SLC22A25: variants seen among roughly 807,000 people sequenced by gnomAD.
SLC22A25 encodes MGI:2442751, MGI:2385316, MGI:3042283, MGI:3645714, MGI:3605624, MGI:2442750.
Under a neutral mutation model 45.9 loss-of-function variants are expected in SLC22A25, and 44 were observed. The observed-to-expected ratio is 0.96, with a 90% CI of 0.75 to 1.23. The LOEUF (loss-of-function observed/expected upper bound fraction) is 1.23, where lower values mean the gene tolerates loss of function less well. Among genes scored for constraint, SLC22A25 ranks in the 50% most tolerant of loss-of-function variants. The pLI is 0.00. For synonymous variants in SLC22A25, 283 were observed against 238.6 expected (o/e 1.19, Z -1.72); for missense variants, 800 against 666.4 (o/e 1.20, Z -2.21).
chr11:63,196,921 A>G (rs1265892052), intron 7 of SLC22A25, among the ~76,000 whole-genome samples: 2 of 152,208 alleles, frequency 1.3e-5, no homozygotes, highest in African/African-American at 4.8e-5. Context: ...AGGATACAAA[A>G]TCAATGTGCA....
At chr11:63,193,286 G>T (rs1201917233) in intron 7 of SLC22A25, among the ~76,000 whole-genome samples, 3 of 152,156 alleles carry the variant, frequency 2.0e-5, no homozygotes, top group Non-Finnish European at 4.4e-5. Flanking sequence ...AGAGAGCAGT[G>T]GTCCTCCTAC....
rs546568705 is a variant in SLC22A25, at chr11:63,218,257, A to C, written c.507-522T>G. On this transcript the variant is annotated intron_variant, in intron 5 of 11. Coordinates refer to ENST00000306494, the MANE Select transcript of SLC22A25 (RefSeq NM_199352.6). Reference sequence around the variant, plus strand: ...GAATTAATGTAGGAACAGAAAACCAAACATTACAATGTCCTCAACTTATAA... The same window carrying C: ...GAATTAATGTAGGAACAGAAAACCACACATTACAATGTCCTCAACTTATAA... The C allele has an allele frequency of 5.7e-6, 2 of 348,806 alleles. 1 individual carries two copies. Among genetic ancestry groups the C allele is most frequent in the African/African-American group, 4.3e-5 (2 of 46,742 alleles). 21.6% of individuals were successfully genotyped at this position (348,806 alleles called of 1,614,324 possible). A position where few individuals can be genotyped will look rare whatever the true frequency, so the allele number is the denominator to read the frequency against.
At chr11:63,211,669 A>G (rs183489458) in intron 7 of SLC22A25, among the ~76,000 whole-genome samples, 1 of 152,314 alleles carries the variant, frequency 6.6e-6, no homozygotes, top group African/African-American at 2.4e-5. Context: ...AATTAATTCA[A>G]GATGGATTAA....
chr11:63,171,840 A>G (rs1370769786), intron 9 of SLC22A25, among the ~76,000 whole-genome samples: 1 of 152,218 alleles, frequency 6.6e-6, no homozygotes, highest in Non-Finnish European at 1.5e-5. Flanking sequence ...AAAAGCTTGT[A>G]TAGCCAAGAC....
intron 7 of SLC22A25, among the ~76,000 whole-genome samples, chr11:63,211,359 C>T (rs370737605): frequency 3.5e-4 from 54 of 152,184 alleles, no homozygotes; most frequent in Non-Finnish European, 6.5e-4. Flanking sequence ...GATCTCCAGG[C>T]GGTAAACAAG....
rs1194025534 is a variant in SLC22A25, at chr11:63,220,144, TA to T, written c.507-2410del. The stretch of plus-strand genomic sequence containing the variant: ...TGTAAGGTAGAGGTTGTAATACCTC[TA>T]AAAAGCTGTTTTTGCAAAGACAAAA... On this transcript the variant is annotated intron_variant, in intron 5 of 11. Transcript: ENST00000306494. 3 of 545,672 alleles carry T rather than the reference TA, an allele frequency of 5.5e-6. No individual in the cohort carries two copies. The African/African-American group carries it at 6.4e-5, about 12-fold the overall frequency. The allele number at this position is 545,672 out of a possible 1,614,324, so 33.8% of individuals were successfully genotyped here.
At chr11:63,164,219 C>T in intron 11 of SLC22A25, 146 bp from the exon 12 acceptor site, 2 of 1,149,060 alleles carry the variant, frequency 1.7e-6, no homozygotes, top group East Asian at 2.5e-5. Flanking sequence ...CTCTTATTTG[C>T]TAGCAATTTA....
At chr11:63,180,416 T>C (rs1190439072) in intron 9 of SLC22A25, among the ~76,000 whole-genome samples, 2 of 152,138 alleles carry the variant, frequency 1.3e-5, no homozygotes, top group Non-Finnish European at 2.9e-5. Flanking sequence ...ATAATTGAAG[T>C]TCTTAGCATA....
chr11:63,227,548 C>A (rs2089986373), intron 5 of SLC22A25, among the ~76,000 whole-genome samples: 1 of 152,184 alleles, frequency 6.6e-6, no homozygotes, highest in African/African-American at 2.4e-5. Context: ...TTACTTTTCC[C>A]TCTCCTCTCC....
chr11:63,193,770 C>T (rs1277887640), intron 7 of SLC22A25, among the ~76,000 whole-genome samples: 3 of 152,200 alleles, frequency 2.0e-5, no homozygotes, highest in Non-Finnish European at 2.9e-5. Flanking sequence ...CAAAGGACTG[C>T]AGCTCCCTGC....
chr11:63,181,956 G>A (rs10897383), intron 8 of SLC22A25, among the ~76,000 whole-genome samples: 1 of 151,796 alleles, frequency 6.6e-6, no homozygotes, highest in East Asian at 1.9e-4. Flanking sequence ...CATAGGAGAT[G>A]AATGTTACGT....
At position 63,163,897 on chromosome 11, in the gene SLC22A25, A is replaced by G. The variant is rs141450282; in HGVS notation, c.1571T>C (p.Leu524Pro). 143 of 1,613,834 alleles carry G rather than the reference A, an allele frequency of 8.9e-5. No individual in the cohort carries two copies. Among genetic ancestry groups the G allele is most frequent in the Non-Finnish European group, 1.1e-4 (126 of 1,179,916 alleles). The change falls in exon 12 of 12, where the codon CTT becomes CCT. Residue 524 changes from leucine to proline, a missense_variant. Transcript: ENST00000306494. ...ATTTTCCACATCCTGGATGCTGTCA[A>G]GAAGAGGCTGGTTCCTGGTTTCAGG... ...LLPETRNQPL[L>P]DSIQDVENEG...
chr11:63,203,279 A>G (rs1371643973), intron 7 of SLC22A25, among the ~76,000 whole-genome samples: 1 of 152,132 alleles, frequency 6.6e-6, no homozygotes, highest in Non-Finnish European at 1.5e-5. Context: ...CTTGGCAGCA[A>G]GGGAACAAAA....
intron 7 of SLC22A25, among the ~76,000 whole-genome samples, chr11:63,185,484 T>G (rs1173659163): frequency 1.3e-5 from 2 of 152,080 alleles, no homozygotes; most frequent in African/African-American, 4.8e-5. Context: ...TTTTTATGGC[T>G]GCATAGTATT....
intron 9 of SLC22A25, among the ~76,000 whole-genome samples, chr11:63,168,750 A>T (rs963067572): frequency 6.6e-6 from 1 of 152,206 alleles, no homozygotes; most frequent in Non-Finnish European, 1.5e-5. Flanking sequence ...ATGTCAGGAC[A>T]TTATACAGGA....
At chr11:63,181,838 G>T (rs544129216) in intron 8 of SLC22A25, among the ~76,000 whole-genome samples, 3 of 152,068 alleles carry the variant, frequency 2.0e-5, no homozygotes. Context: ...GGCAAGGTAC[G>T]TGAAGTCATG....
At chr11:63,222,807 GT>G (rs35744319) in intron 5 of SLC22A25, among the ~76,000 whole-genome samples, 146,525 of 151,494 alleles carry the variant, frequency 0.97, 70,987 homozygotes, top group East Asian at 1. Context: ...TCTATACCCA[GT>G]TTTTTTTTGA....
At chr11:63,200,910 G>T (rs1312715145) in intron 7 of SLC22A25, among the ~76,000 whole-genome samples, 1 of 152,066 alleles carries the variant, frequency 6.6e-6, no homozygotes, top group East Asian at 1.9e-4. Context: ...ATTCACAATT[G>T]CCACAAAAAG....
chr11:63,242,672 C>T (rs556899864), intron 1 of SLC22A25, among the ~76,000 whole-genome samples: 1 of 152,338 alleles, frequency 6.6e-6, no homozygotes, highest in South Asian at 2.1e-4. Context: ...CCCTCACAGA[C>T]ACACCCAGGT....
Sources: gnomAD v4.1 joint callset for allele counts (sites outside exome capture counted in the v4.1 genomes callset) on GRCh38, gnomAD v4.1.1 for gene constraint, MANE v1.5 for transcripts, NCBI Gene and HGNC (gene_info 2026-07-23, HGNC 2026-07-21) for gene names.